Variants in DLG2 observed in about 807,000 individuals in gnomAD.
DLG2 encodes discs large MAGUK scaffold protein 2.
A neutral mutation model predicts 132.5 loss-of-function variants in DLG2; 45 were observed. The ratio of observed to expected loss-of-function variants is 0.34; its 90% CI spans 0.27 to 0.44. DLG2 has a LOEUF of 0.44. DLG2 is among the 20% of genes least tolerant of loss of function. The pLI is 1.00. For missense variants in DLG2, 1,045 were observed against 1,196.9 expected (o/e 0.87, Z 1.87); for synonymous variants, 424 against 419.6 (o/e 1.01, Z -0.13).
In DLG2 at chr11:83,458,312, TTC is replaced by T. The variant is rs1332791449; in HGVS notation, c.*1504_*1505del. 1 of 152,378 alleles carries T rather than the reference TTC, an allele frequency of 6.6e-6. No homozygotes were observed. The allele number at this position is 152,378 out of a possible 1,614,324, so 9.4% of individuals were successfully genotyped here. ...GTTCAGTTTATAGGCTTTGGGAGGT[TTC>T]TTTTTTTAAATCATCGTTATTATAA... On this transcript the variant is annotated 3_prime_UTR_variant, in exon 28 of 28. Transcript: ENST00000376104.
intron 5 of DLG2, among the ~76,000 whole-genome samples, chr11:85,118,495 G>T (rs1038921195): frequency 2.0e-5 from 3 of 152,052 alleles, no homozygotes; most frequent in African/African-American, 7.2e-5. Flanking sequence ...AATAGGCTCT[G>T]AGTTTTCAAG....
intron 7 of DLG2, among the ~76,000 whole-genome samples, chr11:84,366,080 A>G (rs2098680555): frequency 6.6e-6 from 1 of 152,124 alleles, no homozygotes; most frequent in South Asian, 2.1e-4. Context: ...TGGGTTATCC[A>G]CAAGGGGAAG....
At chr11:84,527,920 T>TCTCC in intron 7 of DLG2, among the ~76,000 whole-genome samples, 1 of 151,822 alleles carries the variant, frequency 6.6e-6, no homozygotes, top group Admixed American at 6.6e-5. Flanking sequence ...TCTCTCTCTC[T>TCTCC]CTCTCTCTCT....
At chr11:83,483,275 G>A in intron 22 of DLG2, 3 of 1,612,818 alleles carry the variant, frequency 1.9e-6, no homozygotes, top group South Asian at 1.1e-5. Context: ...TTCCATAACC[G>A]TCGTCACCTA....
chr11:83,876,870 T>G (rs963769900), intron 15 of DLG2, among the ~76,000 whole-genome samples: 7 of 152,152 alleles, frequency 4.6e-5, no homozygotes, highest in African/African-American at 1.4e-4. Flanking sequence ...TAATATGGTC[T>G]CTATAATTAT....
At chr11:84,244,142 C>T (rs749055309) in intron 8 of DLG2, among the ~76,000 whole-genome samples, 2 of 152,122 alleles carry the variant, frequency 1.3e-5, no homozygotes, top group African/African-American at 2.4e-5. Flanking sequence ...ATTAGAAATG[C>T]AGACTGACGC....
intron 3 of DLG2, among the ~76,000 whole-genome samples, chr11:85,561,378 A>G (rs371360824): frequency 6.5e-4 from 93 of 143,898 alleles, no homozygotes; most frequent in African/African-American, 2.2e-3. Flanking sequence ...ATAGCTGTGT[A>G]AACTTTCATT....
At chr11:84,004,928 T>A (rs1592876399) in intron 11 of DLG2, among the ~76,000 whole-genome samples, 2 of 113,226 alleles carry the variant, frequency 1.8e-5, no homozygotes, top group African/African-American at 3.4e-5. Flanking sequence ...GAAAAAGAAT[T>A]CTAAAATTTA....
intron 4 of DLG2, among the ~76,000 whole-genome samples, chr11:85,190,804 A>G (rs2080465441): frequency 6.6e-6 from 1 of 152,210 alleles, no homozygotes; most frequent in South Asian, 2.1e-4. Context: ...CAAAACCACA[A>G]TGAAATACCA....
intron 22 of DLG2, among the ~76,000 whole-genome samples, chr11:83,478,714 T>C (rs1239882228): frequency 6.6e-6 from 1 of 152,062 alleles, no homozygotes; most frequent in Non-Finnish European, 1.5e-5. Flanking sequence ...AGATAAAGCA[T>C]GATGCTTTCT....
At chr11:83,776,446 T>A (rs1365647727) in intron 18 of DLG2, among the ~76,000 whole-genome samples, 3 of 152,200 alleles carry the variant, frequency 2.0e-5, no homozygotes, top group Admixed American at 2.0e-4. Context: ...ACTAGCACCA[T>A]CTCTCACACA....
chr11:83,704,701 C>T (rs1379697619), intron 18 of DLG2, among the ~76,000 whole-genome samples: 1 of 151,074 alleles, frequency 6.6e-6, no homozygotes, highest in African/African-American at 2.4e-5. Context: ...GTGGCACAGG[C>T]CTGTAATTCT....
intron 3 of DLG2, among the ~76,000 whole-genome samples, chr11:85,293,137 T>G (rs2079015450): frequency 6.6e-6 from 1 of 152,168 alleles, no homozygotes; most frequent in Non-Finnish European, 1.5e-5. Context: ...AAGTTCTTCC[T>G]TCCAGAATTC....
intron 3 of DLG2, chr11:85,335,941 T>C (rs1220301227): frequency 6.6e-6 from 1 of 152,086 alleles, no homozygotes; most frequent in East Asian, 1.9e-4. Context: ...ACTTAAAGTA[T>C]AATAAAAAAA....
intron 3 of DLG2, among the ~76,000 whole-genome samples, chr11:85,439,412 T>C (rs757056794): frequency 1.3e-5 from 2 of 151,076 alleles, no homozygotes; most frequent in South Asian, 4.2e-4. Context: ...CAGGCTGCAG[T>C]GCAGTGGCTT....
intron 18 of DLG2, among the ~76,000 whole-genome samples, chr11:83,777,755 T>C (rs1354745898): frequency 1.3e-5 from 2 of 151,968 alleles, no homozygotes; most frequent in Non-Finnish European, 2.9e-5. Flanking sequence ...TTCTTCCGAG[T>C]GGGTGAAAGA....
intron 6 of DLG2, among the ~76,000 whole-genome samples, chr11:84,663,080 T>C (rs2154548209): frequency 6.6e-6 from 1 of 152,206 alleles, no homozygotes; most frequent in Admixed American, 6.5e-5. Context: ...TACATTTTCC[T>C]TAGTATGTCC....
intron 18 of DLG2, among the ~76,000 whole-genome samples, chr11:83,669,161 C>T (rs112042477): frequency 6.6e-6 from 1 of 152,212 alleles, no homozygotes; most frequent in African/African-American, 2.4e-5. Context: ...CCCAGGAATA[C>T]AGTAGTGGGT....
intron 11 of DLG2, among the ~76,000 whole-genome samples, chr11:83,983,213 G>A (rs2092951866): frequency 6.6e-6 from 1 of 151,998 alleles, no homozygotes. Context: ...TGCTCATTCA[G>A]TACAATACTT....
Sources: allele counts gnomAD v4.1 joint callset (sites outside exome capture counted in the v4.1 genomes callset), GRCh38; gene constraint gnomAD v4.1.1; transcripts MANE v1.5; gene names NCBI Gene and HGNC (gene_info 2026-07-23, HGNC 2026-07-21).